The following NELFCD variants were observed in gnomAD, a reference collection of about 807,000 sequenced individuals.
NELFCD encodes the protein negative elongation factor C/D.
A neutral mutation model predicts 72.9 loss-of-function variants in NELFCD; 48 were observed. The observed-to-expected ratio is 0.66, with a 90% CI of 0.52 to 0.84. The LOEUF is 0.84. Ranked by LOEUF, NELFCD falls within the 40% of genes least tolerant of loss-of-function variation. The pLI is 0.00. For missense variants in NELFCD, 538 were observed against 723.8 expected (o/e 0.74, Z 2.94); for synonymous variants, 297 against 280.6 (o/e 1.06, Z -0.59).
intron 4 of NELFCD, 120 bp from the exon 5 acceptor site, chr20:58,988,794 A>G: frequency 1.4e-6 from 1 of 693,416 alleles, no homozygotes; most frequent in Non-Finnish European, 2.5e-6. Context: ...CTCCCCCAGA[A>G]CTAGATGCCC....
At position 58,989,603 on chromosome 20, in the gene NELFCD, G is replaced by A. The variant is rs1395106748; in HGVS notation, c.620G>A (p.Gly207Glu). 1.9e-6 allele frequency: 3 copies of A among 1,614,204 alleles called. No individual in the cohort carries two copies. Among genetic ancestry groups the A allele is most frequent in the Non-Finnish European group, 2.5e-6 (3 of 1,180,036 alleles). ...RTSLATILDGGEENLEKNLPE... is the reference protein window; with the variant it reads ...RTSLATILDGEEENLEKNLPE... ...TCTCTAGCTACAATTTTAGATGGAG[G>A]AGAAGAAAACCTTGAAAAAAATCTC... The change falls in exon 6 of 15, where the codon GGA becomes GAA. Residue 207 changes from glycine to glutamate, a missense_variant. Physicochemically the swap from Gly to Glu is moderately conservative, Grantham distance 98. This residue lies in a region of NELFCD where 355 missense variants were observed against 534.5 expected (regional missense o/e 0.66). Coordinates refer to ENST00000652272, the MANE Select transcript of NELFCD (RefSeq NM_198976.4).
intron 1 of NELFCD, among the ~76,000 whole-genome samples, chr20:58,984,275 G>A (rs76258264): frequency 0.019 from 2,889 of 152,226 alleles, 91 homozygotes; most frequent in African/African-American, 0.066. Context: ...GAGCTGGGGC[G>A]TTTTTTCCTG....
chr20:58,985,171 G>A (rs962961106), intron 1 of NELFCD, among the ~76,000 whole-genome samples: 5 of 152,312 alleles, frequency 3.3e-5, no homozygotes, highest in African/African-American at 7.2e-5. Context: ...GCTGTGTTCC[G>A]TAAAAGTTTA....
chr20:58,984,903 A>G (rs755118865), intron 1 of NELFCD, among the ~76,000 whole-genome samples: 1 of 152,238 alleles, frequency 6.6e-6, no homozygotes, highest in Non-Finnish European at 1.5e-5. Flanking sequence ...GGCCTCTGTC[A>G]TGCCCTTAGG....
chr20:58,986,865 T>C lies in NELFCD; in HGVS notation c.286+2T>C. ...TGGCCGAGTGGCTCATTCAGACAGG[T>C]GCTTTGTGGGTGTCCCCTGTCCTGG... On this transcript the variant is annotated splice_donor_variant, in intron 3 of 14. Transcript: ENST00000652272. LOFTEE classifies it high-confidence loss of function. The surrounding 1 kb of genome is among the most constrained non-coding windows in gnomAD (Gnocchi z 4.4). 1.2e-6 allele frequency: 2 copies of C among 1,607,980 alleles called. No homozygotes were observed. The highest frequency in any genetic ancestry group is 8.5e-7 in the Non-Finnish European group (1 of 1,174,810).
chr20:58,993,379 A>T lies in NELFCD; in HGVS notation c.1345-70A>T. The stretch of plus-strand genomic sequence containing the variant: ...TGATAAGCTCTTTGGTGGCTGTGAC[A>T]GTGCCCAGTTTCTCTGTGTGCTGAG... On this transcript the variant is annotated intron_variant, in intron 11 of 14. Coordinates refer to ENST00000652272, the MANE Select transcript of NELFCD (RefSeq NM_198976.4). The surrounding 1 kb of genome is among the most constrained non-coding windows in gnomAD (Gnocchi z 5.0). The T allele has an allele frequency of 3.5e-6, 5 of 1,447,586 alleles. 1 individual carries two copies. The South Asian group carries it at 5.9e-5, about 17-fold the overall frequency. The allele number at this position is 1,447,586 out of a possible 1,614,324, so 89.7% of individuals were successfully genotyped here. A position where few individuals can be genotyped will look rare whatever the true frequency, so the allele number is the denominator to read the frequency against.
In NELFCD at chr20:58,989,946, T is replaced by G; in HGVS notation, c.746T>G (p.Val249Gly). ...LAQEEQGGSA[V>G]RRIAQEVQRF... The stretch of plus-strand genomic sequence containing the variant: ...CAGGAGGAGCAGGGGGGCTCCGCTG[T>G]GCGCAGGATCGCCCAGGAAGTGCAG... The change falls in exon 7 of 15, where the codon GTG (valine) becomes GGG (glycine). Residue 249 changes from valine to glycine, a missense_variant. Coordinates refer to ENST00000652272, the MANE Select transcript of NELFCD (RefSeq NM_198976.4). 1 of 1,614,006 alleles carries G rather than the reference T, an allele frequency of 6.2e-7. No homozygotes were observed. Among genetic ancestry groups the G allele is most frequent in the Non-Finnish European group, 8.5e-7 (1 of 1,180,036 alleles).
chr20:58,982,428 G>T (rs2091742257), intron 1 of NELFCD, among the ~76,000 whole-genome samples: 1 of 152,052 alleles, frequency 6.6e-6, no homozygotes, highest in Non-Finnish European at 1.5e-5. Context: ...AAAGTACTGG[G>T]ATTACAGGCG....
Position 58,989,249 on chromosome 20 carries a change from G to C in NELFCD, c.504+228G>C, listed in dbSNP as rs2146352377. 4.8e-6 allele frequency: 3 copies of C among 623,352 alleles called. No individual in the cohort carries two copies. The South Asian group carries it at 6.0e-5, about 12-fold the overall frequency. The allele number at this position is 623,352 out of a possible 1,614,324, so 38.6% of individuals were successfully genotyped here. On this transcript the variant is annotated intron_variant, in intron 5 of 14. Coordinates refer to ENST00000652272, the MANE Select transcript of NELFCD (RefSeq NM_198976.4). ...GCAGGGATACAAGAATTCTCTTGTGGTTGGAGAGGAGCTTTAGGCGTGCCT... is the reference window on the plus strand; with the variant it reads ...GCAGGGATACAAGAATTCTCTTGTGCTTGGAGAGGAGCTTTAGGCGTGCCT...
At chr20:58,981,484 T>TGC in intron 1 of NELFCD, 115 bp downstream of exon 1, 1 of 285,834 alleles carries the variant, frequency 3.5e-6, no homozygotes, top group African/African-American at 2.3e-5. Context: ...GCGGGGGGTG[T>TGC]GCGCGCGCAC....
intron 7 of NELFCD, chr20:58,990,317 T>A: frequency 3.8e-6 from 1 of 263,464 alleles, no homozygotes; most frequent in South Asian, 5.6e-5. Context: ...GGAGAATCGC[T>A]TGAACCTGGG....
intron 10 of NELFCD, 114 bp from the exon 11 acceptor site, chr20:58,992,884 G>A (rs1342149907): frequency 1.5e-6 from 1 of 671,786 alleles, no homozygotes; most frequent in Non-Finnish European, 2.7e-6. Flanking sequence ...GGGGCGTATT[G>A]AAGGGTGAAT....
In NELFCD at chr20:58,986,814, CG is replaced by C. The variant is rs1174261455; in HGVS notation, c.238del (p.Ala80LeufsTer6). 1 of 1,613,946 alleles carries C rather than the reference CG, an allele frequency of 6.2e-7. No homozygotes were observed. The highest frequency in any genetic ancestry group is 8.5e-7 in the Non-Finnish European group (1 of 1,179,972). On this transcript the variant is annotated frameshift_variant, in exon 3 of 15. Transcript: ENST00000652272. LOFTEE classifies it high-confidence loss of function. The surrounding 1 kb of genome is among the most constrained non-coding windows in gnomAD (Gnocchi z 4.4). Reference sequence around the variant, plus strand: ...TCCAGCTCTTATCTGAAAACTACACCGCTGTGGCCCAGACTGTGAACCTGCT... The same window carrying C: ...TCCAGCTCTTATCTGAAAACTACACCCTGTGGCCCAGACTGTGAACCTGCT... ...VIQLLSENYT[A>X]VAQTVNLLAE...
In NELFCD at chr20:58,993,253, T is replaced by C. The variant is rs2146356254; in HGVS notation, c.1344+141T>C. 2 of 836,106 alleles carry C rather than the reference T, an allele frequency of 2.4e-6. No individual in the cohort carries two copies. The highest frequency in any genetic ancestry group is 2.6e-5 in the East Asian group (1 of 37,790). 51.8% of individuals were successfully genotyped at this position (836,106 alleles called of 1,614,324 possible). ...TATTTCTGTCCTGAGGATTTTCCTC[T>C]TAAGGACCTAGCTTCATTGACTGCA... is the stretch of plus-strand genomic sequence containing the variant. On this transcript the variant is annotated intron_variant, in intron 11 of 14. Transcript: ENST00000652272. This position sits in a 1 kb window ranked among gnomAD's most constrained non-coding sequence, Gnocchi z 5.0.
rs1004506812 is a variant in NELFCD at position 58,987,689 on chromosome 20, T to A, written c.287-19T>A. ...AATGGACAGCTTGCCATTGTCTAGT[T>A]GCTTTTATTCTCTTTCAGGTGTTGA... On this transcript the variant is annotated intron_variant, in intron 3 of 14. Coordinates refer to ENST00000652272, the MANE Select transcript of NELFCD (RefSeq NM_198976.4). 2 of 1,601,194 alleles carry A rather than the reference T, an allele frequency of 1.2e-6. No homozygotes were observed. Among genetic ancestry groups the A allele is most frequent in the African/African-American group, 2.7e-5 (2 of 74,690 alleles).
intron 3 of NELFCD, 128 bp from the exon 4 acceptor site, chr20:58,987,580 C>T: frequency 1.4e-6 from 1 of 711,636 alleles, no homozygotes; most frequent in East Asian, 2.6e-5. Context: ...CAAAACCTTA[C>T]ATGTATAAGT....
rs2091776830 is a variant in NELFCD at position 58,986,922 on chromosome 20, T to C, written c.286+59T>C. 9.2e-7 allele frequency: 1 copy of C among 1,081,450 alleles called. No homozygotes were observed. The highest frequency in any genetic ancestry group is 1.4e-6 in the Non-Finnish European group (1 of 713,712). The allele number at this position is 1,081,450 out of a possible 1,614,324, so 67.0% of individuals were successfully genotyped here. A position where few individuals can be genotyped will look rare whatever the true frequency, so the allele number is the denominator to read the frequency against. On this transcript the variant is annotated intron_variant, in intron 3 of 14. Coordinates refer to ENST00000652272, the MANE Select transcript of NELFCD (RefSeq NM_198976.4). This position sits in a 1 kb window ranked among gnomAD's most constrained non-coding sequence, Gnocchi z 4.4. ...ACCCCCACTTTTTTAAAAATAGACT[T>C]TTGGGTCCTTATAACACTGATACAA...
rs768153051 is a variant in NELFCD, at chr20:58,993,568, C to T, written c.1440+24C>T. ...AGGTGAGCAGTGCCCGTGGGGCTTG[C>T]CAGAGGGCTGAGGAGGACCCTCTCT... On this transcript the variant is annotated intron_variant, in intron 12 of 14. Transcript: ENST00000652272. This position sits in a 1 kb window ranked among gnomAD's most constrained non-coding sequence, Gnocchi z 5.0. The T allele has an allele frequency of 1.9e-6, 3 of 1,614,152 alleles. No homozygotes were observed. In the South Asian group the frequency reaches 3.3e-5, roughly 18 times the overall value.
rs1244548444 is a variant in NELFCD at position 58,986,163 on chromosome 20, C to G, written c.131C>G (p.Thr44Ser). The G allele has an allele frequency of 6.2e-7, 1 of 1,613,856 alleles. No individual in the cohort carries two copies. Among genetic ancestry groups the G allele is most frequent in the Admixed American group, 1.7e-5 (1 of 59,998 alleles). The change falls in exon 2 of 15, where the codon ACC becomes AGC. Residue 44 changes from threonine to serine, a missense_variant. Transcript: ENST00000652272. The surrounding 1 kb of genome is among the most constrained non-coding windows in gnomAD (Gnocchi z 4.4). ...CAAGAATGCCTGCATAAATTTTCCA[C>G]CCGGGATTATATCATGGAACCCTCC... ...VQQECLHKFS[T>S]RDYIMEPSIF...
Sources: gnomAD v4.1 joint callset for allele counts (sites outside exome capture counted in the v4.1 genomes callset) on GRCh38, gnomAD v4.1.1 for gene constraint, gnomAD v4.1.1 regional missense constraint, Gnocchi (gnomAD v3.1) non-coding constraint, MANE v1.5 for transcripts, NCBI Gene and HGNC (gene_info 2026-07-23, HGNC 2026-07-21) for gene names.